Variants in PLXDC2 observed in about 807,000 individuals in gnomAD.
PLXDC2 encodes the protein plexin domain containing 2, also known as plexin domain-containing protein 2.
A neutral mutation model predicts 68.9 loss-of-function variants in PLXDC2; 40 were observed. The observed-to-expected ratio is 0.58, with a 90% CI of 0.45 to 0.76. PLXDC2 has a LOEUF of 0.76. Ranked by LOEUF, PLXDC2 falls within the 30% of genes least tolerant of loss-of-function variation. The pLI is 0.00. For missense variants in PLXDC2, 644 were observed against 661.9 expected (o/e 0.97, Z 0.30); for synonymous variants, 243 against 234.2 (o/e 1.04, Z -0.34).
intron 1 of PLXDC2, among the ~76,000 whole-genome samples, chr10:19,846,389 C>T (rs932185635): frequency 7.9e-5 from 12 of 151,970 alleles, no homozygotes; most frequent in Middle Eastern, 3.4e-3. Flanking sequence ...GATTAAATCT[C>T]GAGGAGGGAA....
chr10:20,280,813 T>G lies in PLXDC2; in HGVS notation c.*994T>G, dbSNP rs1161263321. ...ACCCATTTCATTGCTGATTCCTGTC[T>G]AAGAAGCCATTCACGTCAGCATGGC... On this transcript the variant is annotated 3_prime_UTR_variant, in exon 14 of 14. Transcript: ENST00000377252. 1.3e-5 allele frequency: 2 copies of G among 152,120 alleles called. No homozygotes were observed. The highest frequency in any genetic ancestry group is 2.9e-5 in the Non-Finnish European group (2 of 68,008). 9.4% of individuals were successfully genotyped at this position (152,120 alleles called of 1,614,324 possible). A position where few individuals can be genotyped will look rare whatever the true frequency, so the allele number is the denominator to read the frequency against.
At chr10:19,961,183 G>A (rs1834149371) in intron 1 of PLXDC2, among the ~76,000 whole-genome samples, 1 of 152,178 alleles carries the variant, frequency 6.6e-6, no homozygotes, top group East Asian at 1.9e-4. Flanking sequence ...TTGTTCTCCT[G>A]GAGATGGATG....
At chr10:19,906,008 AAC>A (rs1491166237) in intron 1 of PLXDC2, among the ~76,000 whole-genome samples, 1 of 152,018 alleles carries the variant, frequency 6.6e-6, no homozygotes, top group Non-Finnish European at 1.5e-5. Context: ...GAAAAAAAAA[AAC>A]AACTCAAATC....
intron 1 of PLXDC2, among the ~76,000 whole-genome samples, chr10:19,944,639 GAAGT>G (rs1197998806): frequency 6.6e-6 from 1 of 152,156 alleles, no homozygotes; most frequent in African/African-American, 2.4e-5. Flanking sequence ...ACAGAAAACG[GAAGT>G]AAGGTAAAGA....
At chr10:20,200,184 G>C (rs1016557447) in intron 9 of PLXDC2, among the ~76,000 whole-genome samples, 4 of 151,756 alleles carry the variant, frequency 2.6e-5, no homozygotes, top group African/African-American at 9.7e-5. Flanking sequence ...ACAGACACAT[G>C]GTATATTTGA....
chr10:20,114,550 A>C (rs920594526), intron 4 of PLXDC2, among the ~76,000 whole-genome samples: 2 of 152,200 alleles, frequency 1.3e-5, no homozygotes, highest in African/African-American at 4.8e-5. Context: ...TCAGTGTGAG[A>C]AGACCTGTAA....
In PLXDC2 at chr10:20,192,218, C is replaced by T. The variant is rs80173864; in HGVS notation, c.1061+14809C>T. Among the ~76,000 whole-genome samples the T allele has an allele frequency of 2.2e-4, 34 of 152,052 alleles. No homozygotes were observed. The East Asian group carries it at 6.2e-3, about 28-fold the overall frequency. On this transcript the variant is annotated intron_variant, in intron 9 of 13. Transcript: ENST00000377252. ...TGCTAAGGTTGAAATTTTTGCTACA[C>T]GTAGCCTTACCAAGTATGTGCACAG...
intron 9 of PLXDC2, among the ~76,000 whole-genome samples, chr10:20,189,051 TAAGCTGC>T (rs1355928250): frequency 7.6e-6 from 1 of 131,192 alleles, no homozygotes; most frequent in Non-Finnish European, 1.9e-5. Context: ...GCTTTTCTAT[TAAGCTGC>T]TTGTCCTGAA....
intron 7 of PLXDC2, among the ~76,000 whole-genome samples, chr10:20,165,974 G>A (rs1834369156): frequency 6.6e-6 from 1 of 152,060 alleles, no homozygotes; most frequent in South Asian, 2.1e-4. Flanking sequence ...TGTCCTATGT[G>A]TTCTTATTTA....
In PLXDC2 at chr10:20,245,229, G is replaced by C. The variant is rs1488780357; in HGVS notation, c.1313-116G>C. On this transcript the variant is annotated intron_variant, in intron 12 of 13. Coordinates refer to ENST00000377252, the MANE Select transcript of PLXDC2 (RefSeq NM_032812.9). ...GTAAAATTGATGTTGCAGAAAAGTT[G>C]TCCAGGAAGTAAAGATCCAGTCGTA... 4 of 1,144,554 alleles carry C rather than the reference G, an allele frequency of 3.5e-6. No homozygotes were observed. In the African/African-American group the frequency reaches 6.3e-5, roughly 18 times the overall value. The allele number at this position is 1,144,554 out of a possible 1,614,324, so 70.9% of individuals were successfully genotyped here. A position where few individuals can be genotyped will look rare whatever the true frequency, so the allele number is the denominator to read the frequency against.
intron 12 of PLXDC2, among the ~76,000 whole-genome samples, chr10:20,228,257 A>T (rs1835312530): frequency 6.6e-6 from 1 of 152,120 alleles, no homozygotes; most frequent in Non-Finnish European, 1.5e-5. Flanking sequence ...GTATGGGAAG[A>T]TAGTATAAAG....
At chr10:19,859,096 C>T (rs1441223275) in intron 1 of PLXDC2, among the ~76,000 whole-genome samples, 1 of 151,906 alleles carries the variant, frequency 6.6e-6, no homozygotes, top group East Asian at 1.9e-4. Flanking sequence ...AAAAAGTTCT[C>T]AGGGAACAAG....
chr10:20,140,687 GC>G (rs1336628627), intron 4 of PLXDC2, among the ~76,000 whole-genome samples: 2 of 151,968 alleles, frequency 1.3e-5, no homozygotes, highest in Admixed American at 6.6e-5. Context: ...ACTAGGTAAA[GC>G]CTATCATTAG....
At chr10:20,045,125 G>T (rs766561341) in intron 2 of PLXDC2, among the ~76,000 whole-genome samples, 1 of 152,038 alleles carries the variant, frequency 6.6e-6, no homozygotes, top group Admixed American at 6.6e-5. Flanking sequence ...TTTCACCAAG[G>T]TATACATATA....
At chr10:20,102,608 G>A (rs978595978) in intron 4 of PLXDC2, among the ~76,000 whole-genome samples, 1 of 152,184 alleles carries the variant, frequency 6.6e-6, no homozygotes, top group Non-Finnish European at 1.5e-5. Context: ...GAAAAGTCCA[G>A]GGTGGTTTTA....
At chr10:20,218,484 G>A (rs554582629) in intron 11 of PLXDC2, among the ~76,000 whole-genome samples, 4 of 152,086 alleles carry the variant, frequency 2.6e-5, no homozygotes, top group African/African-American at 7.2e-5. Context: ...TAAAGTCCAC[G>A]AAAATATTCC....
chr10:19,889,006 C>T (rs1000799472), intron 1 of PLXDC2, among the ~76,000 whole-genome samples: 1 of 151,678 alleles, frequency 6.6e-6, no homozygotes, highest in African/African-American at 2.4e-5. Flanking sequence ...AAGTTTAGCC[C>T]ATGGCTTAAT....
chr10:20,254,599 G>A (rs567617893), intron 13 of PLXDC2, among the ~76,000 whole-genome samples: 4 of 152,100 alleles, frequency 2.6e-5, no homozygotes, highest in Non-Finnish European at 2.9e-5. Context: ...TTTCTTAGCC[G>A]AAGAAAAAGA....
chr10:20,193,143 T>C (rs1199609398), intron 9 of PLXDC2, among the ~76,000 whole-genome samples: 1 of 152,064 alleles, frequency 6.6e-6, no homozygotes, highest in Admixed American at 6.6e-5. Flanking sequence ...ATTCAGAACC[T>C]AAGACAGAAC....
Sources: gnomAD v4.1 joint callset for allele counts (sites outside exome capture counted in the v4.1 genomes callset) on GRCh38, gnomAD v4.1.1 for gene constraint, MANE v1.5 for transcripts, NCBI Gene and HGNC (gene_info 2026-07-23, HGNC 2026-07-21) for gene names.